PIP4K2A: variants seen among roughly 807,000 people sequenced by gnomAD.
PIP4K2A encodes the protein phosphatidylinositol 5-phosphate 4-kinase type-2 alpha.
A neutral mutation model predicts 42.9 loss-of-function variants in PIP4K2A; 14 were observed. The ratio of observed to expected loss-of-function variants is 0.33; its 90% CI spans 0.22 to 0.51. PIP4K2A has a LOEUF of 0.51. Among genes scored for constraint, PIP4K2A ranks in the 20% least tolerant of loss-of-function variants. PIP4K2A has a pLI of 0.97. For missense variants in PIP4K2A, 434 were observed against 519.8 expected (o/e 0.83, Z 1.61); for synonymous variants, 192 against 192.2 (o/e 1.00, Z 0.01).
intron 1 of PIP4K2A, 124 bp downstream of exon 1, chr10:22,714,059 G>T: frequency 9.9e-7 from 1 of 1,014,156 alleles, no homozygotes; most frequent in South Asian, 1.7e-5. Flanking sequence ...AGGCGGGCGA[G>T]CAGCCGGAGG....
At chr10:22,713,987 A>C in intron 1 of PIP4K2A, 196 bp downstream of exon 1, 1 of 523,854 alleles carries the variant, frequency 1.9e-6, no homozygotes. Context: ...AAGGGGACGC[A>C]AGTGGTGGTG....
In PIP4K2A at chr10:22,700,572, G is replaced by A. The variant is rs368413048; in HGVS notation, c.144+13611C>T. 2.6e-4 allele frequency among the ~76,000 whole-genome samples: 39 copies of A among 152,196 alleles called. 1 individual carries two copies. The East Asian group carries it at 3.1e-3, about 12-fold the overall frequency. ...ATCAGAAAATGAGCCTCCTCTGTGC[G>A]GACAACTCACAAAAAGGGTGCCTGT... On this transcript the variant is annotated intron_variant, in intron 1 of 9. Transcript: ENST00000376573.
chr10:22,604,731 G>A (rs542203244), intron 3 of PIP4K2A, among the ~76,000 whole-genome samples: 8 of 152,268 alleles, frequency 5.3e-5, no homozygotes, highest in East Asian at 3.9e-4. Flanking sequence ...AGAGGCGGCC[G>A]GTGGGAGACT....
chr10:22,690,096 A>G (rs967748776), intron 1 of PIP4K2A, among the ~76,000 whole-genome samples: 1 of 152,228 alleles, frequency 6.6e-6, no homozygotes, highest in African/African-American at 2.4e-5. Context: ...CAGCAGCATC[A>G]TAACAATAAT....
intron 6 of PIP4K2A, 131 bp from the exon 7 acceptor site, chr10:22,550,903 C>CT (rs1836395382): frequency 6.2e-6 from 4 of 644,368 alleles, no homozygotes; most frequent in Non-Finnish European, 1.1e-5. Flanking sequence ...CCACAGGGGT[C>CT]TTACCCAAAC....
chr10:22,689,920 C>G (rs61228116), intron 1 of PIP4K2A, among the ~76,000 whole-genome samples: 21,058 of 152,108 alleles, frequency 0.14, 1,597 homozygotes, highest in Middle Eastern at 0.26. Flanking sequence ...AAGCAAGGTC[C>G]CTGTAAGGAC....
intron 1 of PIP4K2A, among the ~76,000 whole-genome samples, chr10:22,684,020 TACTC>T (rs1346839782): frequency 6.6e-6 from 1 of 152,130 alleles, no homozygotes; most frequent in African/African-American, 2.4e-5. Flanking sequence ...CTATCTGAAA[TACTC>T]ACAAGAAGCC....
intron 1 of PIP4K2A, chr10:22,694,170 G>A (rs931548420): frequency 6.6e-6 from 1 of 152,156 alleles, no homozygotes; most frequent in Non-Finnish European, 1.5e-5. Context: ...AAATCTAAGT[G>A]ATGTGTATAG....
rs375916012 is a variant in PIP4K2A, at chr10:22,706,057, GAACT to G, written c.144+8122_144+8125del. The stretch of plus-strand genomic sequence containing the variant: ...TATTTAAAATCATTAGGTCTCGTGA[GAACT>G]AACTATCACGAGAATACGATGGGGA... On this transcript the variant is annotated intron_variant, in intron 1 of 9. Transcript: ENST00000376573. 6.4e-4 allele frequency among the ~76,000 whole-genome samples: 97 copies of G among 152,048 alleles called. 2 individuals are homozygous for G. In the East Asian group the frequency reaches 8.8e-3, roughly 14 times the overall value.
At chr10:22,690,045 T>C (rs896137845) in intron 1 of PIP4K2A, among the ~76,000 whole-genome samples, 1 of 152,204 alleles carries the variant, frequency 6.6e-6, no homozygotes, top group African/African-American at 2.4e-5. Flanking sequence ...ATTAAGTATT[T>C]CTCAAAACTT....
Position 22,570,265 on chromosome 10 carries a change from T to A in PIP4K2A, c.640-2376A>T, listed in dbSNP as rs190198984. Among the ~76,000 whole-genome samples, 2 of 152,354 alleles carry A rather than the reference T, an allele frequency of 1.3e-5. 1 individual carries two copies. The highest frequency in any genetic ancestry group is 3.9e-4 in the East Asian group (2 of 5,186). On this transcript the variant is annotated intron_variant, in intron 5 of 9. Coordinates refer to ENST00000376573, the MANE Select transcript of PIP4K2A (RefSeq NM_005028.5). ...GCAAATGTAGGTAAAATTATCCCTA[T>A]TTTAACAGATGAAGAGACGGAGGGT...
intron 1 of PIP4K2A, among the ~76,000 whole-genome samples, chr10:22,638,671 A>G (rs1485847753): frequency 5.9e-5 from 9 of 152,082 alleles, no homozygotes; most frequent in African/African-American, 9.7e-5. Context: ...AGGGGGAGGG[A>G]AAAAAACCCA....
intron 3 of PIP4K2A, among the ~76,000 whole-genome samples, chr10:22,603,333 T>A (rs1267146465): frequency 2.0e-5 from 3 of 152,130 alleles, no homozygotes; most frequent in African/African-American, 7.2e-5. Context: ...TGCATAACTT[T>A]TTGGTTTCTG....
chr10:22,632,875 T>A lies in PIP4K2A; in HGVS notation c.145-23158A>T, dbSNP rs148564661. 4.6e-4 allele frequency among the ~76,000 whole-genome samples: 70 copies of A among 152,354 alleles called. 1 individual carries two copies. Among genetic ancestry groups the A allele is most frequent in the Middle Eastern group, 6.8e-3 (2 of 294 alleles). On this transcript the variant is annotated intron_variant, in intron 1 of 9. Transcript: ENST00000376573. ...AAAATATCTTACTTGTAGGAAGCGG[T>A]TGAGTTTCATATTTTGTTTTATATT...
Position 22,550,609 on chromosome 10 carries a change from A to AG in PIP4K2A, c.792+49dup, listed in dbSNP as rs1325147279. ...GTTTAAAAAGCTCCTAAAACCCAAC[A>AG]GGGCTGATATTTATACAATGAGTCT... is the stretch of plus-strand genomic sequence containing the variant. On this transcript the variant is annotated intron_variant, in intron 7 of 9. Coordinates refer to ENST00000376573, the MANE Select transcript of PIP4K2A (RefSeq NM_005028.5). The AG allele has an allele frequency of 1.9e-5, 19 of 1,006,698 alleles. 2 individuals carry two copies. Among genetic ancestry groups the AG allele is most frequent in the Middle Eastern group, 2.0e-4 (1 of 4,902 alleles). 62.4% of individuals were successfully genotyped at this position (1,006,698 alleles called of 1,614,324 possible). A position where few individuals can be genotyped will look rare whatever the true frequency, so the allele number is the denominator to read the frequency against.
chr10:22,678,091 T>C (rs970519198), intron 1 of PIP4K2A, among the ~76,000 whole-genome samples: 4 of 152,140 alleles, frequency 2.6e-5, no homozygotes, highest in African/African-American at 7.2e-5. Context: ...TTTTAAACCA[T>C]GAGGAATGAA....
chr10:22,574,440 TTC>T (rs1491194655), intron 4 of PIP4K2A, among the ~76,000 whole-genome samples: 68,743 of 119,174 alleles, frequency 0.58, 17,324 homozygotes, highest in East Asian at 0.86. Flanking sequence ...ATTTTTCATT[TTC>T]TGTTTTTTTT....
At chr10:22,610,089 A>G (rs1440760263) in intron 1 of PIP4K2A, among the ~76,000 whole-genome samples, 8 of 152,246 alleles carry the variant, frequency 5.3e-5, no homozygotes, top group Admixed American at 3.3e-4. Context: ...GTTATCTGAG[A>G]AAGAAAGCTT....
Position 22,573,372 on chromosome 10 carries a change from A to G in PIP4K2A, c.578T>C (p.Val193Ala). The change falls in exon 5 of 10, where the codon GTG becomes GCG. Residue 193 changes from valine (V) to alanine (A), a missense_variant. This residue lies in a region of PIP4K2A where 395 missense variants were observed against 444.5 expected (regional missense o/e 0.89). Coordinates refer to ENST00000376573, the MANE Select transcript of PIP4K2A (RefSeq NM_005028.5). ...RLNVDGVEIY[V>A]IVTRNVFSHR... ...GCTGAATACATTTCTTGTAACTATC[A>G]CATATATTTCAACTCCATCAACATT... 2 of 1,613,420 alleles carry G rather than the reference A, an allele frequency of 1.2e-6. No individual in the cohort carries two copies. The highest frequency in any genetic ancestry group is 1.7e-6 in the Non-Finnish European group (2 of 1,179,348).
Sources: allele counts gnomAD v4.1 joint callset (sites outside exome capture counted in the v4.1 genomes callset), GRCh38; gene constraint gnomAD v4.1.1; regional missense constraint gnomAD v4.1.1; transcripts MANE v1.5; gene names NCBI Gene and HGNC (gene_info 2026-07-23, HGNC 2026-07-21).